Variants in NCOA2 observed in about 807,000 individuals in gnomAD.
The protein encoded by NCOA2 is nuclear receptor coactivator 2.
NCOA2 carries 21 observed loss-of-function variants against 145.1 expected under a neutral mutation model. The observed-to-expected ratio is 0.14, with a 90% confidence interval of 0.10 to 0.21. The LOEUF is 0.21. Ranked by LOEUF, NCOA2 falls within the 10% of genes least tolerant of loss-of-function variation. The probability of loss-of-function intolerance (pLI) is 1.00; values close to 1 mark genes in which losing one functional copy is unlikely to be tolerated. For missense variants in NCOA2, 1,472 were observed against 1,837.6 expected (o/e 0.80, Z 3.64); for synonymous variants, 619 against 637.5 (o/e 0.97, Z 0.44).
In NCOA2 at chr8:70,124,669, GAGA is replaced by G. The variant is rs1808209426; in HGVS notation, c.4094+16_4094+18del. 1.9e-6 allele frequency: 3 copies of G among 1,581,410 alleles called. No individual in the cohort carries two copies. Among genetic ancestry groups the G allele is most frequent in the Admixed American group, 1.8e-5 (1 of 54,948 alleles). The stretch of plus-strand genomic sequence containing the variant: ...GCTGTCACAGTGGCGGTATGAAAAG[GAGA>G]AGGATTTGCGGTTACCTGTTTCCGC... On this transcript the variant is annotated intron_variant, in intron 20 of 22. Transcript: ENST00000452400.
chr8:70,422,674 A>G, the NCOA2 span, among the ~76,000 whole-genome samples: 3 of 152,058 alleles, frequency 2.0e-5, no homozygotes, highest in African/African-American at 7.2e-5. Flanking sequence ...CAGTGTTGCG[A>G]TTACAGGTGT....
intron 10 of NCOA2, among the ~76,000 whole-genome samples, chr8:70,158,522 T>C (rs1033746077): frequency 6.6e-6 from 1 of 152,208 alleles, no homozygotes; most frequent in Non-Finnish European, 1.5e-5. Flanking sequence ...TTTGTAAATA[T>C]ATACATAGAA....
At chr8:70,219,433 C>T (rs1264948187) in intron 2 of NCOA2, among the ~76,000 whole-genome samples, 1 of 152,140 alleles carries the variant, frequency 6.6e-6, no homozygotes, top group Admixed American at 6.5e-5. Flanking sequence ...GAGCAACATT[C>T]CTGGGCTATG....
chr8:70,286,992 C>G (rs1826277822), intron 2 of NCOA2, among the ~76,000 whole-genome samples: 1 of 152,064 alleles, frequency 6.6e-6, no homozygotes, highest in African/African-American at 2.4e-5. Context: ...CTTGTAAACC[C>G]AGCATTTAGG....
chr8:70,413,654 C>CA, the NCOA2 span, among the ~76,000 whole-genome samples: 1 of 152,182 alleles, frequency 6.6e-6, no homozygotes, highest in African/African-American at 2.4e-5. Flanking sequence ...GACCACTTGA[C>CA]AGAGAGTCTT....
chr8:70,126,222 C>T (rs2131446914), intron 19 of NCOA2, among the ~76,000 whole-genome samples: 1 of 152,300 alleles, frequency 6.6e-6, no homozygotes, highest in East Asian at 1.9e-4. Context: ...ATGTTCATGA[C>T]ATTACACACT....
At chr8:70,219,892 G>C (rs555053097) in intron 2 of NCOA2, among the ~76,000 whole-genome samples, 1 of 152,272 alleles carries the variant, frequency 6.6e-6, no homozygotes, top group Non-Finnish European at 1.5e-5. Flanking sequence ...GTGGGGCCAG[G>C]TGAGTTCATT....
chr8:70,260,176 G>A (rs1823995793), intron 2 of NCOA2, among the ~76,000 whole-genome samples: 1 of 152,166 alleles, frequency 6.6e-6, no homozygotes, highest in Admixed American at 6.5e-5. Context: ...GTGAGTTTCT[G>A]TGTTTTGCTT....
chr8:70,380,812 C>T (rs1382049167), intron 1 of NCOA2, among the ~76,000 whole-genome samples: 1 of 152,112 alleles, frequency 6.6e-6, no homozygotes, highest in African/African-American at 2.4e-5. Context: ...CCGTGGCTCC[C>T]GTCTGTAATC....
At chr8:70,366,111 G>A (rs1174207927) in intron 1 of NCOA2, among the ~76,000 whole-genome samples, 1 of 152,148 alleles carries the variant, frequency 6.6e-6, no homozygotes, top group African/African-American at 2.4e-5. Context: ...TTCATTCACT[G>A]CCTGGCCTCA....
At chr8:70,446,523 G>A in the NCOA2 span, among the ~76,000 whole-genome samples, 3 of 151,998 alleles carry the variant, frequency 2.0e-5, no homozygotes, top group Non-Finnish European at 4.4e-5. Flanking sequence ...TATATCTCTC[G>A]TTGCCATAAT....
chr8:70,147,167 C>G (rs1284723663), intron 12 of NCOA2, among the ~76,000 whole-genome samples: 1 of 151,504 alleles, frequency 6.6e-6, no homozygotes, highest in Non-Finnish European at 1.5e-5. Flanking sequence ...GAGTTTTGCT[C>G]TGTCGCCCAG....
At position 70,156,736 on chromosome 8, in the gene NCOA2, C is replaced by A; in HGVS notation, c.1629G>T (p.Gly543=). 1 of 1,613,978 alleles carries A rather than the reference C, an allele frequency of 6.2e-7. No homozygotes were observed. The highest frequency in any genetic ancestry group is 8.5e-7 in the Non-Finnish European group (1 of 1,179,878). The part of the protein sequence containing the change: ...SLNALQALSE[G]HGVSLGSSLA... ...ACGATGACCCTAATGAGACCCCGTGCCCCTCGCTGAGGGCCTGAAGTGCAT... is the reference window on the plus strand; with the variant it reads ...ACGATGACCCTAATGAGACCCCGTGACCCTCGCTGAGGGCCTGAAGTGCAT... Residue 543 remains glycine, a synonymous_variant, in exon 11 of 23, where the codon GGG becomes GGT. Transcript: ENST00000452400.
At chr8:70,387,261 G>C (rs950755124) in intron 1 of NCOA2, among the ~76,000 whole-genome samples, 23 of 152,126 alleles carry the variant, frequency 1.5e-4, no homozygotes, top group African/African-American at 5.1e-4. Flanking sequence ...AAACTCCTGG[G>C]CTCAAGCAGT....
At chr8:70,125,693 A>G (rs901730144) in intron 19 of NCOA2, among the ~76,000 whole-genome samples, 2 of 152,212 alleles carry the variant, frequency 1.3e-5, no homozygotes, top group South Asian at 4.1e-4. Flanking sequence ...AAATAGCTGT[A>G]TTCATGGTTA....
At chr8:70,425,583 C>T in the NCOA2 span, among the ~76,000 whole-genome samples, 2 of 152,138 alleles carry the variant, frequency 1.3e-5, no homozygotes, top group African/African-American at 4.8e-5. Flanking sequence ...GATCCATGAC[C>T]AATTGTTTCT....
At chr8:70,149,440 G>T (rs1170394968) in intron 11 of NCOA2, among the ~76,000 whole-genome samples, 5 of 149,820 alleles carry the variant, frequency 3.3e-5, no homozygotes, top group South Asian at 2.1e-4. Flanking sequence ...AGAGATGGGG[G>T]TCTCATTTTG....
chr8:70,270,335 T>A (rs1280252338), intron 2 of NCOA2, among the ~76,000 whole-genome samples: 1 of 152,196 alleles, frequency 6.6e-6, no homozygotes, highest in Non-Finnish European at 1.5e-5. Flanking sequence ...GAAAAATTGT[T>A]TACTAACTCT....
intron 2 of NCOA2, among the ~76,000 whole-genome samples, chr8:70,294,922 T>C (rs1826973230): frequency 6.6e-6 from 1 of 152,222 alleles, no homozygotes; most frequent in Non-Finnish European, 1.5e-5. Context: ...CAAATTGCAC[T>C]TGTAAAATAG....
Sources: allele counts gnomAD v4.1 joint callset (sites outside exome capture counted in the v4.1 genomes callset), GRCh38; gene constraint gnomAD v4.1.1; transcripts MANE v1.5; gene names NCBI Gene and HGNC (gene_info 2026-07-23, HGNC 2026-07-21).